Variants in FAM78B observed in about 807,000 individuals in gnomAD.
FAM78B encodes the protein protein FAM78B.
In FAM78B, 10 loss-of-function variants were observed where a neutral mutation model predicts 20.0. That is an observed-to-expected ratio of 0.50 (90% CI 0.31 to 0.85). The LOEUF (loss-of-function observed/expected upper bound fraction) is 0.85. Ranked by LOEUF, FAM78B falls within the 40% of genes least tolerant of loss-of-function variation. FAM78B has a pLI of 0.05. For synonymous variants in FAM78B, 135 were observed against 132.8 expected (o/e 1.02, Z -0.12); for missense variants, 283 against 345.0 (o/e 0.82, Z 1.42).
intron 1 of FAM78B, among the ~76,000 whole-genome samples, chr1:166,121,540 G>A (rs1006819182): frequency 1.3e-5 from 2 of 152,140 alleles, no homozygotes; most frequent in East Asian, 1.9e-4. Flanking sequence ...TGTGGAAAGG[G>A]ACTTAAGAAA....
downstream of FAM78B, among the ~76,000 whole-genome samples, chr1:166,056,020 C>G (rs147173832): frequency 1.3e-5 from 2 of 152,148 alleles, no homozygotes; most frequent in Admixed American, 1.3e-4. Flanking sequence ...AGAGAAGATG[C>G]AGGAATCCCT....
In FAM78B at chr1:166,135,183, A is replaced by G. The variant is rs142779180; in HGVS notation, c.263+30803T>C. ...AACTACTTCCATAGGAATTTTCTCT[A>G]AACAGCTGTATCAACACGGCTTATA... On this transcript the variant is annotated intron_variant, in intron 1 of 1. Coordinates refer to ENST00000354422, the MANE Select transcript of FAM78B (RefSeq NM_001017961.5). Among the ~76,000 whole-genome samples the G allele has an allele frequency of 3.3e-5, 5 of 152,354 alleles. No individual in the cohort carries two copies. The East Asian group carries it at 7.7e-4, about 23-fold the overall frequency.
At chr1:166,098,541 GA>G (rs1275590658) in intron 1 of FAM78B, among the ~76,000 whole-genome samples, 1 of 151,890 alleles carries the variant, frequency 6.6e-6, no homozygotes, top group African/African-American at 2.4e-5. Context: ...ACAGCTTAAA[GA>G]AAAAACAATA....
At chr1:166,156,869 A>G (rs1655916464) in intron 1 of FAM78B, among the ~76,000 whole-genome samples, 1 of 151,998 alleles carries the variant, frequency 6.6e-6, no homozygotes, top group South Asian at 2.1e-4. Context: ...TTACCAAAGA[A>G]GGGCTCAGGG....
intron 2 of FAM78B, among the ~76,000 whole-genome samples, chr1:166,061,569 C>T (rs1158430145): frequency 6.6e-6 from 1 of 152,148 alleles, no homozygotes; most frequent in Non-Finnish European, 1.5e-5. Context: ...AACGCCATTA[C>T]ATATATAATT....
chr1:166,073,421 C>G (rs6662013), intron 1 of FAM78B, among the ~76,000 whole-genome samples: 1 of 151,938 alleles, frequency 6.6e-6, no homozygotes, highest in African/African-American at 2.4e-5. Flanking sequence ...GAGTTGCTAT[C>G]TGAAAAATAT....
chr1:166,093,046 A>C (rs1479511923), intron 1 of FAM78B, among the ~76,000 whole-genome samples: 1 of 152,240 alleles, frequency 6.6e-6, no homozygotes, highest in Non-Finnish European at 1.5e-5. Flanking sequence ...TTAAGAATAT[A>C]TTTAAAAAAA....
intron 1 of FAM78B, among the ~76,000 whole-genome samples, chr1:166,092,029 ATCAT>A (rs1389168767): frequency 1.1e-5 from 1 of 89,162 alleles, no homozygotes; most frequent in Non-Finnish European, 2.1e-5. Context: ...TGATTGAGCC[ATCAT>A]TTTTTTTTTT....
intron 1 of FAM78B, among the ~76,000 whole-genome samples, chr1:166,163,974 G>C (rs1164764648): frequency 6.6e-6 from 1 of 152,184 alleles, no homozygotes; most frequent in Admixed American, 6.5e-5. Context: ...CAGGAATCCT[G>C]TCACTGATTC....
Position 166,070,531 on chromosome 1 carries a change from C to T in FAM78B, c.496G>A (p.Asp166Asn). ...NVPLLTRIKR[D>N]QSFTTWLVAM... is the part of the protein sequence containing the mutation. ...ACCAGCCAGGTCGTGAAACTTTGGT[C>T]TCTCTTGATTCTTGTGAGCAGTGGC... Residue 166 changes from aspartate (D) to asparagine (N), a missense_variant, in exon 2 of 2, where the codon GAC becomes AAC. Transcript: ENST00000354422. 1.2e-6 allele frequency: 2 copies of T among 1,614,066 alleles called. No homozygotes were observed. The highest frequency in any genetic ancestry group is 1.7e-6 in the Non-Finnish European group (2 of 1,179,992).
intron 1 of FAM78B, among the ~76,000 whole-genome samples, chr1:166,153,749 C>G (rs529487187): frequency 6.6e-6 from 1 of 152,076 alleles, no homozygotes; most frequent in South Asian, 2.1e-4. Context: ...TGGAGTGGTA[C>G]AGAAACTACA....
chr1:166,137,024 G>T (rs1395711473), intron 1 of FAM78B, among the ~76,000 whole-genome samples: 2 of 152,210 alleles, frequency 1.3e-5, no homozygotes, highest in Admixed American at 1.3e-4. Flanking sequence ...CCTGAACCTA[G>T]ATCTTATTTT....
chr1:166,124,059 T>G (rs943870560), intron 1 of FAM78B, among the ~76,000 whole-genome samples: 1 of 152,162 alleles, frequency 6.6e-6, no homozygotes, highest in Non-Finnish European at 1.5e-5. Flanking sequence ...GACCCTGCTT[T>G]GGCCTCATCA....
chr1:166,115,349 A>G (rs1654213986), intron 1 of FAM78B, among the ~76,000 whole-genome samples: 1 of 152,222 alleles, frequency 6.6e-6, no homozygotes, highest in Admixed American at 6.5e-5. Flanking sequence ...GAGGGAGAGC[A>G]TGCATGGTTA....
chr1:166,145,900 T>TA (rs971686192), intron 1 of FAM78B, among the ~76,000 whole-genome samples: 1 of 152,156 alleles, frequency 6.6e-6, no homozygotes, highest in Non-Finnish European at 1.5e-5. Context: ...GGACAATAAA[T>TA]ATATTAAGGG....
chr1:166,138,256 A>C (rs1020630379), intron 1 of FAM78B, among the ~76,000 whole-genome samples: 11 of 151,832 alleles, frequency 7.2e-5, no homozygotes, highest in Middle Eastern at 3.2e-3. Context: ...CTTCATCCCC[A>C]ACTCTCCTGT....
At position 166,070,733 on chromosome 1, in the gene FAM78B, T is replaced by C; in HGVS notation, c.294A>G (p.Glu98=). Residue 98 remains glutamate (E), a synonymous_variant, in exon 2 of 2, where the codon GAA becomes GAG. Coordinates refer to ENST00000354422, the MANE Select transcript of FAM78B (RefSeq NM_001017961.5). Reference sequence around the variant, plus strand: ...AGTCACTGATGGCTTTTACTCTCCCTTCCCTCAAGTCAGGCAGTTCCCAGC... The same window carrying C: ...AGTCACTGATGGCTTTTACTCTCCCCTCCCTCAAGTCAGGCAGTTCCCAGC... ...MSSWELPDLR[E]GRVKAISDSD... The C allele has an allele frequency of 1.3e-6, 2 of 1,586,330 alleles. No individual in the cohort carries two copies. The highest frequency in any genetic ancestry group is 1.7e-6 in the Non-Finnish European group (2 of 1,164,926).
chr1:166,067,411 T>C (rs987188304), downstream of FAM78B, among the ~76,000 whole-genome samples: 2 of 151,326 alleles, frequency 1.3e-5, no homozygotes, highest in African/African-American at 4.9e-5. Context: ...GTGTTGTGTG[T>C]GTGTCTAAGT....
At chr1:166,094,035 G>GTGTGTGTGTGTGTC (rs1653180451) in intron 1 of FAM78B, among the ~76,000 whole-genome samples, 1 of 146,384 alleles carries the variant, frequency 6.8e-6, no homozygotes, top group Non-Finnish European at 1.5e-5. Context: ...GTGTGTGTGT[G>GTGTGTGTGTGTGTC]TGTGTGTGTG....
Sources: allele counts gnomAD v4.1 joint callset (sites outside exome capture counted in the v4.1 genomes callset), GRCh38; gene constraint gnomAD v4.1.1; transcripts MANE v1.5; gene names NCBI Gene and HGNC (gene_info 2026-07-23, HGNC 2026-07-21).